Variants in OSBPL3 observed in about 807,000 individuals in gnomAD.
The protein encoded by OSBPL3 is oxysterol binding protein like 3.
In OSBPL3, 65 loss-of-function variants were observed where a neutral mutation model predicts 120.1. The observed-to-expected ratio is 0.54, with a 90% CI of 0.44 to 0.67. The LOEUF (loss-of-function observed/expected upper bound fraction) is 0.67, where lower values mean the gene tolerates loss of function less well. Ranked by LOEUF, OSBPL3 falls within the 30% of genes least tolerant of loss-of-function variation. OSBPL3 has a pLI of 0.00. For synonymous variants in OSBPL3, 416 were observed against 402.6 expected (o/e 1.03, Z -0.40); for missense variants, 1,004 against 1,082.1 (o/e 0.93, Z 1.01).
chr7:24,958,294 T>G (rs1815310520), intron 1 of OSBPL3, among the ~76,000 whole-genome samples: 1 of 152,148 alleles, frequency 6.6e-6, no homozygotes, highest in South Asian at 2.1e-4. Flanking sequence ...GCTATCTCCA[T>G]GTGTTTTAAT....
rs1227248986 is a variant in OSBPL3 at position 24,952,189 on chromosome 7, A to C, written c.-150+27697T>G. Among the ~76,000 whole-genome samples the C allele has an allele frequency of 6.6e-6, 1 of 152,260 alleles. No individual in the cohort carries two copies. Among genetic ancestry groups the C allele is most frequent in the Non-Finnish European group, 1.5e-5 (1 of 68,044 alleles). On this transcript the variant is annotated intron_variant, in intron 1 of 22. Transcript: ENST00000313367. The surrounding 1 kb of genome is among the most constrained non-coding windows in gnomAD (Gnocchi z 4.4). ...AGGCACTTGAACTACCCAGACACTGAAATGATGCACAAAATTCTGCTCAAT... is the reference window on the plus strand; with the variant it reads ...AGGCACTTGAACTACCCAGACACTGCAATGATGCACAAAATTCTGCTCAAT...
chr7:24,945,958 G>A (rs1813673048), intron 1 of OSBPL3, among the ~76,000 whole-genome samples: 1 of 152,156 alleles, frequency 6.6e-6, no homozygotes, highest in Non-Finnish European at 1.5e-5. Flanking sequence ...AATTTAAATG[G>A]TGAAGAATTC....
chr7:24,904,668 T>TA (rs1317609477), intron 1 of OSBPL3, among the ~76,000 whole-genome samples: 4 of 152,104 alleles, frequency 2.6e-5, no homozygotes, highest in African/African-American at 7.2e-5. Context: ...TATTCAGCTG[T>TA]AAAAAACTAA....
In OSBPL3 at chr7:24,936,339, C is replaced by A. The variant is rs531800626; in HGVS notation, c.-150+43547G>T. 2.0e-5 allele frequency among the ~76,000 whole-genome samples: 3 copies of A among 152,196 alleles called. No individual in the cohort carries two copies. Among genetic ancestry groups the A allele is most frequent in the Non-Finnish European group, 2.9e-5 (2 of 68,030 alleles). The stretch of plus-strand genomic sequence containing the variant: ...ACATGAATACGTTCTTTCAATATAA[C>A]CTTTAATGACCACAGACTATGTACT... On this transcript the variant is annotated intron_variant, in intron 1 of 22. Coordinates refer to ENST00000313367, the MANE Select transcript of OSBPL3 (RefSeq NM_015550.4). This position sits in a 1 kb window ranked among gnomAD's most constrained non-coding sequence, Gnocchi z 4.2.
At chr7:24,977,092 A>G (rs1817669395) in intron 1 of OSBPL3, among the ~76,000 whole-genome samples, 1 of 152,248 alleles carries the variant, frequency 6.6e-6, no homozygotes, top group Non-Finnish European at 1.5e-5. Flanking sequence ...GAACAGAGGA[A>G]CTAGCTGGCT....
Position 24,833,912 on chromosome 7 carries a change from G to T in OSBPL3, c.1746+574C>A, listed in dbSNP as rs1233510009. On this transcript the variant is annotated intron_variant, in intron 15 of 22. Coordinates refer to ENST00000313367, the MANE Select transcript of OSBPL3 (RefSeq NM_015550.4). This position sits in a 1 kb window ranked among gnomAD's most constrained non-coding sequence, Gnocchi z 4.4. The stretch of plus-strand genomic sequence containing the variant: ...TGTGACTGGAGCTGATGCCCAGTAG[G>T]GAAGAGAAGGCTTTTCTACGATTTT... Among the ~76,000 whole-genome samples, 1 of 152,120 alleles carries T rather than the reference G, an allele frequency of 6.6e-6. No individual in the cohort carries two copies. Among genetic ancestry groups the T allele is most frequent in the Admixed American group, 6.5e-5 (1 of 15,272 alleles).
chr7:24,826,225 C>A (rs1584262936), intron 16 of OSBPL3, among the ~76,000 whole-genome samples: 1 of 152,182 alleles, frequency 6.6e-6, no homozygotes, highest in Non-Finnish European at 1.5e-5. Flanking sequence ...TCTCTGAATT[C>A]TTCCTTTTGT....
chr7:24,948,839 G>A (rs1464307121), intron 1 of OSBPL3, among the ~76,000 whole-genome samples: 1 of 152,162 alleles, frequency 6.6e-6, no homozygotes, highest in Non-Finnish European at 1.5e-5. Context: ...AAAGTATATG[G>A]CTGAATTATG....
At chr7:24,901,041 G>C (rs1806921416) in intron 1 of OSBPL3, among the ~76,000 whole-genome samples, 1 of 149,282 alleles carries the variant, frequency 6.7e-6, no homozygotes, top group Non-Finnish European at 1.5e-5. Context: ...AAAAAAGAGA[G>C]AGAGATGGCC....
intron 10 of OSBPL3, among the ~76,000 whole-genome samples, chr7:24,857,122 A>ACCAC (rs1799932132): frequency 6.6e-6 from 1 of 152,236 alleles, no homozygotes; most frequent in Admixed American, 6.5e-5. Flanking sequence ...CATAAGCTGA[A>ACCAC]AATGGTTCAG....
At position 24,966,139 on chromosome 7, in the gene OSBPL3, G is replaced by A. The variant is rs1454439994; in HGVS notation, c.-150+13747C>T. ...AGCCTGAGTTAACTAGCTACAGCAA[G>A]ACCCACAGATCTCGCTTCCTACAAC... On this transcript the variant is annotated intron_variant, in intron 1 of 22. Transcript: ENST00000313367. The surrounding 1 kb of genome is among the most constrained non-coding windows in gnomAD (Gnocchi z 4.8). 1.3e-5 allele frequency among the ~76,000 whole-genome samples: 2 copies of A among 152,240 alleles called. No individual in the cohort carries two copies. Among genetic ancestry groups the A allele is most frequent in the Admixed American group, 1.3e-4 (2 of 15,284 alleles).
intron 1 of OSBPL3, among the ~76,000 whole-genome samples, chr7:24,962,383 AGGGGAGG>A (rs1815855487): frequency 8.6e-6 from 1 of 116,780 alleles, no homozygotes; most frequent in Non-Finnish European, 1.7e-5. Flanking sequence ...AGGAGAGGAG[AGGGGAGG>A]GGGGAGGGGA....
chr7:24,906,739 T>G (rs1331801808), intron 1 of OSBPL3: 1 of 152,364 alleles, frequency 6.6e-6, no homozygotes, highest in East Asian at 1.9e-4. Flanking sequence ...CCTCTTAACT[T>G]TAAAGTGTTG....
At chr7:24,800,683 CTG>C in intron 22 of OSBPL3, among the ~76,000 whole-genome samples, 2 of 152,070 alleles carry the variant, frequency 1.3e-5, no homozygotes, top group African/African-American at 4.8e-5. Context: ...TCTAGAACTC[CTG>C]ACCTCAGGTG....
At chr7:24,839,716 C>A (rs769954227) in intron 14 of OSBPL3, among the ~76,000 whole-genome samples, 1 of 152,126 alleles carries the variant, frequency 6.6e-6, no homozygotes, top group African/African-American at 2.4e-5. Context: ...GGCCCAGGCA[C>A]GGTGGCTCAC....
At position 24,970,841 on chromosome 7, in the gene OSBPL3, C is replaced by A. The variant is rs188001775; in HGVS notation, c.-150+9045G>T. The stretch of plus-strand genomic sequence containing the variant: ...ACTCCACCCCCAGAGTTTCCAATTC[C>A]ATGGGTTTGGGCCCCACCCAAGTTC... On this transcript the variant is annotated intron_variant, in intron 1 of 22. Transcript: ENST00000313367. Among the ~76,000 whole-genome samples the A allele has an allele frequency of 5.3e-5, 8 of 152,296 alleles. No homozygotes were observed. The East Asian group carries it at 1.5e-3, about 29-fold the overall frequency.
Position 24,804,379 on chromosome 7 carries a change from G to C in OSBPL3, c.2503C>G (p.Leu835Val), listed in dbSNP as rs756779647. ...AAGACCCGCCGCCTTTCTCTCTGCAGTTGTTCAATCCTCTGCTTTTGTATT... is the reference window on the plus strand; with the variant it reads ...AAGACCCGCCGCCTTTCTCTCTGCACTTGTTCAATCCTCTGCTTTTGTATT... ...AEIQKQRIEQLQRERRRVLEE... is the reference protein window; with the variant it reads ...AEIQKQRIEQVQRERRRVLEE... The change falls in exon 22 of 23, where the codon CTG (leucine) becomes GTG (valine). Residue 835 changes from leucine to valine, a missense_variant. By Grantham distance (32) the Leu-to-Val change is conservative. Coordinates refer to ENST00000313367, the MANE Select transcript of OSBPL3 (RefSeq NM_015550.4). The surrounding 1 kb of genome is among the most constrained non-coding windows in gnomAD (Gnocchi z 5.4). 48 of 1,613,906 alleles carry C rather than the reference G, an allele frequency of 3.0e-5. No individual in the cohort carries two copies. The East Asian group carries it at 9.8e-4, about 33-fold the overall frequency.
intron 10 of OSBPL3, among the ~76,000 whole-genome samples, chr7:24,853,270 A>G (rs1246978470): frequency 6.6e-6 from 1 of 152,234 alleles, no homozygotes; most frequent in African/African-American, 2.4e-5. Flanking sequence ...AAAATTAACT[A>G]TTGGTGAGAG....
At chr7:24,904,486 G>A (rs1807561950) in intron 1 of OSBPL3, among the ~76,000 whole-genome samples, 1 of 152,176 alleles carries the variant, frequency 6.6e-6, no homozygotes, top group African/African-American at 2.4e-5. Context: ...CATTTACACT[G>A]TGTTAAGTAT....
Sources: allele counts gnomAD v4.1 joint callset (sites outside exome capture counted in the v4.1 genomes callset), GRCh38; gene constraint gnomAD v4.1.1; non-coding constraint Gnocchi (gnomAD v3.1); transcripts MANE v1.5; gene names NCBI Gene and HGNC (gene_info 2026-07-23, HGNC 2026-07-21).